DAB1: variants seen among roughly 807,000 people sequenced by gnomAD.
DAB1 encodes disabled homolog 1.
DAB1 carries 15 observed loss-of-function variants against 64.6 expected under a neutral mutation model. The observed-to-expected ratio is 0.23, with a 90% CI of 0.16 to 0.36. The LOEUF is 0.36. Among genes scored for constraint, DAB1 ranks in the 10% least tolerant of loss-of-function variants. The pLI, the probability that DAB1 is intolerant of heterozygous loss-of-function variation, is 1.00. For missense variants in DAB1, 596 were observed against 706.7 expected (o/e 0.84, Z 1.78); for synonymous variants, 235 against 251.9 (o/e 0.93, Z 0.64).
rs1256280622 is a variant in DAB1 at position 58,518,354 on chromosome 1, GGAAGGGAAGA to G, written n.107+8897_107+8906del. Among the ~76,000 whole-genome samples the G allele has an allele frequency of 4.9e-3, 159 of 32,498 alleles. 2 individuals carry two copies. The highest frequency in any genetic ancestry group is 0.011 in the Non-Finnish European group (138 of 12,746). The allele number at this position is 32,498 out of a possible 152,430, so 21.3% of individuals were successfully genotyped here. Reference sequence around the variant, plus strand: ...AGAAGAGAAGAGAAGAGAAGAGAAGGGAAGGGAAGAGAAGAGAAGGGAAGAAAAGAAAAGA... The same window carrying G: ...AGAAGAGAAGAGAAGAGAAGAGAAGGGAAGAGAAGGGAAGAAAAGAAAAGA... On this transcript the variant is annotated intron_variant and non_coding_transcript_variant, in intron 2 of 20. Transcript: ENST00000485760.
At chr1:57,842,487 C>T (rs143579411) in intron 1 of DAB1, among the ~76,000 whole-genome samples, 4 of 152,048 alleles carry the variant, frequency 2.6e-5, no homozygotes, top group African/African-American at 9.7e-5. Context: ...TCCATTTTTA[C>T]ACTGCTACAA....
chr1:57,704,876 CTTTT>C (rs1217271401), intron 6 of DAB1, among the ~76,000 whole-genome samples: 1 of 73,802 alleles, frequency 1.4e-5, no homozygotes, highest in African/African-American at 5.8e-5. Context: ...TGGGAAATTT[CTTTT>C]CCTTCCTTCC....
intron 1 of DAB1, among the ~76,000 whole-genome samples, chr1:57,849,256 C>T (rs1027828705): frequency 6.6e-6 from 1 of 152,198 alleles, no homozygotes; most frequent in East Asian, 1.9e-4. Flanking sequence ...GTCCTCACTG[C>T]TACACCAAAT....
chr1:58,424,061 C>T (rs531012028), intron 3 of DAB1, among the ~76,000 whole-genome samples: 2 of 152,260 alleles, frequency 1.3e-5, no homozygotes, highest in African/African-American at 4.8e-5. Context: ...GTCCTTGGAC[C>T]AGAAGAGGTC....
chr1:58,166,310 T>C (rs1477153247), intron 4 of DAB1, among the ~76,000 whole-genome samples: 1 of 152,198 alleles, frequency 6.6e-6, no homozygotes, highest in African/African-American at 2.4e-5. Context: ...TGTCTGTTTG[T>C]AGTCAATCCC....
intron 3 of DAB1, among the ~76,000 whole-genome samples, chr1:58,495,098 G>C (rs1368068903): frequency 6.6e-6 from 1 of 152,114 alleles, no homozygotes; most frequent in Non-Finnish European, 1.5e-5. Flanking sequence ...CATAAAAAAG[G>C]ATGAGTTCAT....
chr1:57,606,450 T>TATATGAAATATATAATAC (rs1160181668), intron 7 of DAB1, among the ~76,000 whole-genome samples: 45 of 122,544 alleles, frequency 3.7e-4, no homozygotes, highest in Middle Eastern at 3.8e-3. Flanking sequence ...ATATATAATA[T>TATATGAAATATATAATAC]ATATGAAATA....
At chr1:57,166,954 C>T (rs1270758973) in intron 2 of DAB1, among the ~76,000 whole-genome samples, 1 of 152,190 alleles carries the variant, frequency 6.6e-6, no homozygotes. Context: ...ACCACCTGTG[C>T]AGTTCAGGCT....
intron 4 of DAB1, among the ~76,000 whole-genome samples, chr1:58,329,935 A>C (rs1228831271): frequency 6.6e-6 from 1 of 152,194 alleles, no homozygotes; most frequent in African/African-American, 2.4e-5. Context: ...AGGCCAATTA[A>C]TAACCTTACA....
intron 2 of DAB1, among the ~76,000 whole-genome samples, chr1:57,237,051 A>G (rs1668139845): frequency 6.6e-6 from 1 of 152,232 alleles, no homozygotes; most frequent in South Asian, 2.1e-4. Context: ...GAGAGAACAG[A>G]GCTAAAATTT....
chr1:57,789,183 A>ACC (rs1184719870), intron 6 of DAB1, among the ~76,000 whole-genome samples: 1 of 151,884 alleles, frequency 6.6e-6, no homozygotes, highest in Non-Finnish European at 1.5e-5. Flanking sequence ...CTCCCCCTTC[A>ACC]CCCCCGCCCC....
intron 4 of DAB1, among the ~76,000 whole-genome samples, chr1:58,318,091 T>C (rs10493242): frequency 0.041 from 6,244 of 152,274 alleles, 372 homozygotes; most frequent in East Asian, 0.23. Flanking sequence ...ACAATTCAAG[T>C]GACCATATGG....
At chr1:58,534,034 T>C in intron 1 of DAB1, 1 of 870,760 alleles carries the variant, frequency 1.1e-6, no homozygotes. Context: ...TATTTAAAAA[T>C]CCAGTGAAAA....
At chr1:57,796,554 A>C (rs57367050) in intron 6 of DAB1, among the ~76,000 whole-genome samples, 2,005 of 148,118 alleles carry the variant, frequency 0.014, 42 homozygotes, top group African/African-American at 0.049. Flanking sequence ...TAATAATAAT[A>C]ATAATAATCA....
chr1:58,228,385 G>C (rs1659602573), intron 4 of DAB1, among the ~76,000 whole-genome samples: 1 of 152,078 alleles, frequency 6.6e-6, no homozygotes, highest in South Asian at 2.1e-4. Flanking sequence ...AAGGGGAAAG[G>C]GTAATCTTGC....
chr1:58,090,467 C>G (rs1650587722), intron 5 of DAB1, among the ~76,000 whole-genome samples: 1 of 152,190 alleles, frequency 6.6e-6, no homozygotes, highest in South Asian at 2.1e-4. Flanking sequence ...CCGGGCCTAT[C>G]ATGCCAATTC....
intron 5 of DAB1, among the ~76,000 whole-genome samples, chr1:58,035,424 T>G (rs56863931): frequency 1.8e-3 from 281 of 152,316 alleles, no homozygotes; most frequent in African/African-American, 6.4e-3. Context: ...GGGACTAAGA[T>G]GTCATCAGGC....
At chr1:58,482,078 T>C (rs547365298) in intron 3 of DAB1, among the ~76,000 whole-genome samples, 1 of 152,292 alleles carries the variant, frequency 6.6e-6, no homozygotes, top group South Asian at 2.1e-4. Flanking sequence ...CAGTGTACTA[T>C]GGGGCTCAGC....
chr1:57,607,788 C>T (rs1645675193), intron 7 of DAB1, among the ~76,000 whole-genome samples: 1 of 152,082 alleles, frequency 6.6e-6, no homozygotes, highest in African/African-American at 2.4e-5. Context: ...TGAGAGAGGG[C>T]CCATCAGCAC....
Sources: allele counts gnomAD v4.1 joint callset (sites outside exome capture counted in the v4.1 genomes callset), GRCh38; gene constraint gnomAD v4.1.1; transcripts MANE v1.5; gene names NCBI Gene and HGNC (gene_info 2026-07-23, HGNC 2026-07-21).